Variants in CDH13 observed in about 807,000 individuals in gnomAD.
The protein encoded by CDH13 is cadherin 13.
In CDH13, 24 loss-of-function variants were observed where a neutral mutation model predicts 63.8. The observed-to-expected ratio is 0.38, with a 90% confidence interval of 0.27 to 0.53. The LOEUF (loss-of-function observed/expected upper bound fraction) is 0.53, where lower values mean the gene tolerates loss of function less well. Ranked by LOEUF, CDH13 falls within the 20% of genes least tolerant of loss-of-function variation. CDH13 has a pLI of 0.85. For synonymous variants in CDH13, 503 were observed against 355.3 expected, an observed-to-expected ratio of 1.42 and a Z score of -4.67; for missense variants, 1,049 against 903.1, an observed-to-expected ratio of 1.16 and a Z score of -2.07.
intron 4 of CDH13, among the ~76,000 whole-genome samples, chr16:83,203,302 A>G (rs1396492886): frequency 2.0e-5 from 3 of 152,176 alleles, no homozygotes; most frequent in Non-Finnish European, 4.4e-5. Flanking sequence ...TGATGGGATA[A>G]TTAGAAGCCA....
intron 3 of CDH13, among the ~76,000 whole-genome samples, chr16:83,094,625 A>T (rs1258493650): frequency 6.6e-6 from 1 of 152,194 alleles, no homozygotes; most frequent in Non-Finnish European, 1.5e-5. Context: ...GTCAGCCTCC[A>T]ACTTCCCAGT....
intron 4 of CDH13, among the ~76,000 whole-genome samples, chr16:83,193,648 C>T (rs1301375435): frequency 6.6e-6 from 1 of 152,214 alleles, no homozygotes; most frequent in African/African-American, 2.4e-5. Flanking sequence ...GAGCTCCTGT[C>T]TTCATCACAT....
At chr16:82,965,832 T>C (rs191615987) in intron 2 of CDH13, among the ~76,000 whole-genome samples, 2 of 152,202 alleles carry the variant, frequency 1.3e-5, no homozygotes, top group Non-Finnish European at 2.9e-5. Flanking sequence ...TTTTGGAGTA[T>C]TAGCCCACTG....
intron 1 of CDH13, among the ~76,000 whole-genome samples, chr16:82,715,442 T>G (rs1277711870): frequency 6.6e-6 from 1 of 152,130 alleles, no homozygotes; most frequent in Non-Finnish European, 1.5e-5. Context: ...TAGGTTCTGC[T>G]TTATTGATCT....
At chr16:83,696,426 G>C (rs982296349) in intron 10 of CDH13, among the ~76,000 whole-genome samples, 3 of 152,012 alleles carry the variant, frequency 2.0e-5, no homozygotes, top group African/African-American at 7.3e-5. Context: ...AAAGGTGGGA[G>C]GACCAGGGAA....
chr16:83,598,032 G>T (rs1475883617), intron 7 of CDH13, among the ~76,000 whole-genome samples: 3 of 152,200 alleles, frequency 2.0e-5, no homozygotes, highest in East Asian at 3.8e-4. Flanking sequence ...TAGACAAGAA[G>T]TTCATTAACT....
intron 2 of CDH13, among the ~76,000 whole-genome samples, chr16:82,959,023 T>TATTTTGGCGA (rs1403858274): frequency 1.3e-5 from 2 of 152,222 alleles, no homozygotes; most frequent in Non-Finnish European, 2.9e-5. Flanking sequence ...CATCAGACAG[T>TATTTTGGCGA]ATTTTGGCGA....
intron 3 of CDH13, among the ~76,000 whole-genome samples, chr16:83,106,124 CTT>C (rs2034752139): frequency 6.6e-6 from 1 of 152,218 alleles, no homozygotes; most frequent in Non-Finnish European, 1.5e-5. Context: ...AGTAACACCT[CTT>C]TTGCTAATCT....
chr16:82,666,981 T>C (rs1404272102), intron 1 of CDH13, among the ~76,000 whole-genome samples: 1 of 152,192 alleles, frequency 6.6e-6, no homozygotes, highest in East Asian at 1.9e-4. Flanking sequence ...GTCCAGTTCC[T>C]GTTCTTAAAC....
chr16:82,988,360 G>C (rs1051912303), intron 2 of CDH13, among the ~76,000 whole-genome samples: 2 of 152,174 alleles, frequency 1.3e-5, no homozygotes, highest in Admixed American at 6.5e-5. Context: ...AAGATGGGCA[G>C]ATAAGTATGG....
intron 6 of CDH13, among the ~76,000 whole-genome samples, chr16:83,439,003 G>GA (rs773034199): frequency 2.6e-5 from 4 of 151,770 alleles, no homozygotes; most frequent in Admixed American, 6.6e-5. Context: ...AGGAAAGGGA[G>GA]AAAAAAAAGA....
chr16:83,302,494 A>G (rs1015921330), intron 5 of CDH13, among the ~76,000 whole-genome samples: 5 of 152,218 alleles, frequency 3.3e-5, no homozygotes, highest in Middle Eastern at 6.3e-3. Flanking sequence ...GGCTCCTTAT[A>G]TTCTAGAAAA....
At chr16:83,316,921 T>A (rs2090118550) in intron 5 of CDH13, among the ~76,000 whole-genome samples, 1 of 152,194 alleles carries the variant, frequency 6.6e-6, no homozygotes, top group African/African-American at 2.4e-5. Context: ...TGGGTTCTGG[T>A]GGATTCCACG....
Position 82,916,573 on chromosome 16 carries a change from C to CA in CDH13, c.157+58110dup, listed in dbSNP as rs71803730. ...TGGGTGACAGGGTGAGACTCTGTCT[C>CA]AAAAAAAAAATAAATAAATAAAGTA... On this transcript the variant is annotated intron_variant, in intron 2 of 13. Coordinates refer to ENST00000567109, the MANE Select transcript of CDH13 (RefSeq NM_001257.5). Among the ~76,000 whole-genome samples, 39 of 144,320 alleles carry CA rather than the reference C, an allele frequency of 2.7e-4. 1 individual carries two copies. The Middle Eastern group carries it at 0.011, about 39-fold the overall frequency. 94.7% of individuals were successfully genotyped at this position (144,320 alleles called of 152,430 possible). A position where few individuals can be genotyped will look rare whatever the true frequency, so the allele number is the denominator to read the frequency against.
chr16:83,085,334 C>A (rs747267777), intron 3 of CDH13, among the ~76,000 whole-genome samples: 19 of 152,028 alleles, frequency 1.2e-4, no homozygotes, highest in African/African-American at 4.6e-4. Context: ...AATTACCTCC[C>A]CTAGGTCCCT....
intron 2 of CDH13, among the ~76,000 whole-genome samples, chr16:82,872,748 C>T (rs934913878): frequency 6.6e-6 from 1 of 152,150 alleles, no homozygotes; most frequent in African/African-American, 2.4e-5. Context: ...ATTCATTCTC[C>T]TTCTGGAGAT....
At chr16:83,697,548 T>C (rs1233247914) in intron 10 of CDH13, among the ~76,000 whole-genome samples, 1 of 152,142 alleles carries the variant, frequency 6.6e-6, no homozygotes, top group Non-Finnish European at 1.5e-5. Context: ...TTAAGGAAGG[T>C]GTGTTTAAGC....
chr16:83,785,210 T>C (rs1464987121), intron 13 of CDH13, among the ~76,000 whole-genome samples: 2 of 152,234 alleles, frequency 1.3e-5, no homozygotes, highest in Non-Finnish European at 2.9e-5. Flanking sequence ...GGGTGGCTTA[T>C]AAATAACAGA....
At chr16:83,425,243 G>A (rs748956666) in intron 6 of CDH13, among the ~76,000 whole-genome samples, 1 of 152,198 alleles carries the variant, frequency 6.6e-6, no homozygotes, top group African/African-American at 2.4e-5. Context: ...TTGATGACTT[G>A]GGAATTAAAT....
Sources: allele counts gnomAD v4.1 joint callset (sites outside exome capture counted in the v4.1 genomes callset), GRCh38; gene constraint gnomAD v4.1.1; transcripts MANE v1.5; gene names NCBI Gene and HGNC (gene_info 2026-07-23, HGNC 2026-07-21).